Variants in ZFHX3 observed in about 807,000 individuals in gnomAD.
ZFHX3 encodes zinc finger homeobox protein 3.
In ZFHX3, 42 loss-of-function variants were observed where a neutral mutation model predicts 279.1. The observed-to-expected ratio is 0.15, with a 90% CI of 0.12 to 0.19. The LOEUF (loss-of-function observed/expected upper bound fraction) is 0.19. Among genes scored for constraint, ZFHX3 ranks in the 10% least tolerant of loss-of-function variants. ZFHX3 has a pLI of 1.00. For missense variants in ZFHX3, 4,981 were observed against 4,754.0 expected (o/e 1.05, Z -1.40); for synonymous variants, 2,293 against 1,957.8 (o/e 1.17, Z -4.52).
intron 1 of ZFHX3, among the ~76,000 whole-genome samples, chr16:73,038,840 C>G (rs1965007389): frequency 1.3e-5 from 2 of 151,680 alleles, no homozygotes; most frequent in South Asian, 4.2e-4. Flanking sequence ...CTCTGTCACC[C>G]AGGCTGGAGT....
At chr16:72,933,128 G>A (rs1242138658) in intron 3 of ZFHX3, among the ~76,000 whole-genome samples, 1 of 152,148 alleles carries the variant, frequency 6.6e-6, no homozygotes. Flanking sequence ...CCGGCATCTC[G>A]TGGGCATCCA....
intron 2 of ZFHX3, among the ~76,000 whole-genome samples, chr16:73,531,906 T>A (rs116815918): frequency 6.0e-5 from 9 of 150,880 alleles, no homozygotes; most frequent in Admixed American, 2.6e-4. Context: ...CTGGGCAACA[T>A]AGTGAGACCC....
At chr16:73,356,770 G>A (rs1027381532) in intron 3 of ZFHX3, among the ~76,000 whole-genome samples, 5 of 151,540 alleles carry the variant, frequency 3.3e-5, no homozygotes, top group East Asian at 3.9e-4. Flanking sequence ...TTTCACTCAC[G>A]TCCTTTCAAC....
At chr16:73,314,762 G>C (rs1024727565) in intron 4 of ZFHX3, among the ~76,000 whole-genome samples, 1 of 152,176 alleles carries the variant, frequency 6.6e-6, no homozygotes, top group Non-Finnish European at 1.5e-5. Context: ...CTTAATATTT[G>C]ACAGATTGAA....
intron 3 of ZFHX3, among the ~76,000 whole-genome samples, chr16:73,336,995 T>C (rs994242899): frequency 2.0e-5 from 3 of 152,178 alleles, no homozygotes; most frequent in African/African-American, 7.2e-5. Flanking sequence ...CCTGGACTCC[T>C]GGTCTGACCA....
intron 1 of ZFHX3, among the ~76,000 whole-genome samples, chr16:73,025,461 G>A (rs920505952): frequency 1.1e-4 from 17 of 152,190 alleles, no homozygotes; most frequent in African/African-American, 3.4e-4. Context: ...GTGTTTCCCC[G>A]TATTGTGGAG....
intron 2 of ZFHX3, among the ~76,000 whole-genome samples, chr16:73,596,076 A>G (rs527525259): frequency 1.3e-5 from 2 of 151,090 alleles, no homozygotes; most frequent in East Asian, 3.9e-4. Context: ...GCTGGAGTGC[A>G]GTGGTGCAAT....
chr16:73,053,083 CAAT>C (rs915896091), upstream of ZFHX3, among the ~76,000 whole-genome samples: 2 of 151,992 alleles, frequency 1.3e-5, no homozygotes, highest in African/African-American at 4.8e-5. Context: ...AAGAACAAAA[CAAT>C]AATTTTTTTT....
At chr16:73,003,455 A>C (rs1303313900) in intron 1 of ZFHX3, among the ~76,000 whole-genome samples, 2 of 151,874 alleles carry the variant, frequency 1.3e-5, no homozygotes, top group Non-Finnish European at 2.9e-5. Flanking sequence ...TGGGAGGCCA[A>C]GGTGGGTGGA....
At chr16:73,134,126 G>A (rs978570298) in intron 6 of ZFHX3, among the ~76,000 whole-genome samples, 1 of 152,102 alleles carries the variant, frequency 6.6e-6, no homozygotes, top group African/African-American at 2.4e-5. Flanking sequence ...CAAAAGGGTT[G>A]AGTAATGTAT....
intron 3 of ZFHX3, among the ~76,000 whole-genome samples, chr16:73,376,204 T>C (rs1034900468): frequency 6.6e-6 from 1 of 152,212 alleles, no homozygotes; most frequent in Admixed American, 6.5e-5. Flanking sequence ...TTTTTTGTTA[T>C]AGAATCAGCA....
chr16:72,797,036 G>C lies in ZFHX3; in HGVS notation c.5646C>G (p.Ile1882Met), dbSNP rs763961705. ...TCTGGCTTTCTTTTTCCTTTTCTTT[G>C]ATGACCAATTTGTTCTTCTTTTCGG... ...QHPEKKNKLV[I>M]KEKEKESQRE... The change falls in exon 9 of 10, where the codon ATC becomes ATG. Residue 1882 changes from isoleucine (I) to methionine (M), a missense_variant. Ile to Met is a conservative substitution (Grantham distance 10). Transcript: ENST00000268489. The C allele has an allele frequency of 1.9e-6, 3 of 1,613,906 alleles. No individual in the cohort carries two copies. The highest frequency in any genetic ancestry group is 2.2e-5 in the South Asian group (2 of 91,054).
chr16:73,211,714 G>T (rs1220838761), intron 5 of ZFHX3, among the ~76,000 whole-genome samples: 3 of 151,446 alleles, frequency 2.0e-5, no homozygotes, highest in Non-Finnish European at 4.4e-5. Context: ...CTTTCTCTTG[G>T]TTATTATGAT....
chr16:73,380,875 G>A (rs1383844924), intron 3 of ZFHX3, among the ~76,000 whole-genome samples: 1 of 151,992 alleles, frequency 6.6e-6, no homozygotes, highest in Non-Finnish European at 1.5e-5. Flanking sequence ...ATATATTCCT[G>A]GGGTCACTCT....
chr16:73,358,453 C>G (rs921891751), intron 3 of ZFHX3, among the ~76,000 whole-genome samples: 1 of 152,306 alleles, frequency 6.6e-6, no homozygotes, highest in Non-Finnish European at 1.5e-5. Context: ...TTGCAAATGA[C>G]CCGGCGAGTG....
chr16:73,780,001 T>C (rs1220883095), intron 1 of ZFHX3, among the ~76,000 whole-genome samples: 2 of 49,062 alleles, frequency 4.1e-5, no homozygotes, highest in Non-Finnish European at 7.6e-5. Flanking sequence ...CAAGCCTTTC[T>C]AAGACTTTTT....
intron 5 of ZFHX3, among the ~76,000 whole-genome samples, chr16:73,153,637 A>G (rs1248142514): frequency 6.6e-6 from 1 of 151,968 alleles, no homozygotes; most frequent in East Asian, 1.9e-4. Context: ...GGGAAGAAAT[A>G]AGCACTCTTT....
At position 72,958,654 on chromosome 16, in the gene ZFHX3, C is replaced by T. The variant is rs376702079; in HGVS notation, c.1492G>A (p.Glu498Lys). ...DEGCKGLFPSELDEELEDRPH... is the reference protein window; with the variant it reads ...DEGCKGLFPSKLDEELEDRPH... ...CTGTCCTCCAGTTCCTCATCCAACT[C>T]GCTTGGAAAGAGTCCTTTGCAACCC... The change falls in exon 2 of 10, where the codon GAG becomes AAG. Residue 498 changes from glutamate to lysine, a missense_variant. By Grantham distance (56) the Glu-to-Lys change is moderately conservative. This residue lies in a region of ZFHX3 where 1,068 missense variants were observed against 935.2 expected (regional missense o/e 1.14). Coordinates refer to ENST00000268489, the MANE Select transcript of ZFHX3 (RefSeq NM_006885.4). 29 of 1,613,940 alleles carry T rather than the reference C, an allele frequency of 1.8e-5. No homozygotes were observed. The highest frequency in any genetic ancestry group is 1.7e-4 in the Middle Eastern group (1 of 6,012).
intron 3 of ZFHX3, among the ~76,000 whole-genome samples, chr16:73,385,158 G>A (rs2016876639): frequency 6.6e-6 from 1 of 152,116 alleles, no homozygotes; most frequent in Non-Finnish European, 1.5e-5. Context: ...TTAGGCTCCT[G>A]ATCAAATGCT....
Sources: gnomAD v4.1 joint callset for allele counts (sites outside exome capture counted in the v4.1 genomes callset) on GRCh38, gnomAD v4.1.1 for gene constraint, gnomAD v4.1.1 regional missense constraint, MANE v1.5 for transcripts, NCBI Gene and HGNC (gene_info 2026-07-23, HGNC 2026-07-21) for gene names.